The following LPP variants were observed in gnomAD, a reference collection of about 807,000 sequenced individuals.
LPP encodes the protein LIM domain containing preferred translocation partner in lipoma, also known as lipoma-preferred partner.
Under a neutral mutation model 60.4 loss-of-function variants are expected in LPP, and 38 were observed. The ratio of observed to expected loss-of-function variants is 0.63; its 90% CI spans 0.49 to 0.83. The LOEUF is 0.83. Among genes scored for constraint, LPP ranks in the 40% least tolerant of loss-of-function variants. The pLI is 0.00. For missense variants in LPP, 902 were observed against 783.6 expected, an observed-to-expected ratio of 1.15 and a Z score of -1.80; for synonymous variants, 328 against 290.8, an observed-to-expected ratio of 1.13 and a Z score of -1.30.
At chr3:188,223,278 T>C (rs919742176) in intron 1 of LPP, among the ~76,000 whole-genome samples, 1 of 152,228 alleles carries the variant, frequency 6.6e-6, no homozygotes, top group South Asian at 2.1e-4. Flanking sequence ...TATAATTTTT[T>C]AAAGGGAAGC....
Position 188,592,551 on chromosome 3 carries a change from G to GTTT in LPP, c.430-16607_430-16605dup, listed in dbSNP as rs1553936326. On this transcript the variant is annotated intron_variant, in intron 6 of 11. Transcript: ENST00000617246. Reference sequence around the variant, plus strand: ...AATGAGTATCACTGTTTTTAGTTTTGTTTTTGTTTTTTAAATGGAGTCTCA... The same window carrying GTTT: ...AATGAGTATCACTGTTTTTAGTTTTGTTTTTTTTGTTTTTTAAATGGAGTCTCA... Among the ~76,000 whole-genome samples, 183 of 98,152 alleles carry GTTT rather than the reference G, an allele frequency of 1.9e-3. 2 individuals carry two copies. The highest frequency in any genetic ancestry group is 0.014 in the South Asian group (32 of 2,224). The allele number at this position is 98,152 out of a possible 152,430, so 64.4% of individuals were successfully genotyped here. A position where few individuals can be genotyped will look rare whatever the true frequency, so the allele number is the denominator to read the frequency against.
At chr3:188,753,101 T>A (rs1039789641) in intron 8 of LPP, among the ~76,000 whole-genome samples, 33 of 152,128 alleles carry the variant, frequency 2.2e-4, no homozygotes, top group African/African-American at 8.0e-4. Flanking sequence ...AAAATGGGCT[T>A]TACAAGTCAG....
intron 2 of LPP, among the ~76,000 whole-genome samples, chr3:188,281,308 G>T (rs528037356): frequency 7.6e-4 from 115 of 152,150 alleles, no homozygotes; most frequent in Non-Finnish European, 1.3e-3. Context: ...GGTGGCAGAA[G>T]TTCCAAAGTC....
chr3:188,374,152 G>T (rs1048915296), intron 3 of LPP, among the ~76,000 whole-genome samples: 2 of 152,020 alleles, frequency 1.3e-5, no homozygotes, highest in African/African-American at 2.4e-5. Context: ...GATGCCTCTG[G>T]CTTTGTTCTT....
intron 2 of LPP, among the ~76,000 whole-genome samples, chr3:188,293,130 A>G (rs1217495961): frequency 6.6e-6 from 1 of 152,248 alleles, no homozygotes; most frequent in African/African-American, 2.4e-5. Flanking sequence ...CTCTTCTGCT[A>G]GATTTTGAAC....
intron 7 of LPP, among the ~76,000 whole-genome samples, chr3:188,649,846 T>C (rs1309540279): frequency 6.6e-6 from 1 of 152,182 alleles, no homozygotes; most frequent in Non-Finnish European, 1.5e-5. Flanking sequence ...CTAAATGTCA[T>C]AATGAACAAG....
At chr3:188,727,104 T>A (rs1171179290) in intron 8 of LPP, among the ~76,000 whole-genome samples, 1 of 152,162 alleles carries the variant, frequency 6.6e-6, no homozygotes, top group Non-Finnish European at 1.5e-5. Context: ...CTTATCACCA[T>A]CCCAGAAAAG....
intron 5 of LPP, among the ~76,000 whole-genome samples, chr3:188,495,082 A>ATATATATTTTTT (rs1342207321): frequency 2.4e-4 from 23 of 97,270 alleles, no homozygotes; most frequent in African/African-American, 8.4e-4. Context: ...ATATATATAT[A>ATATATATTTTTT]TTTTATTTAT....
intron 4 of LPP, among the ~76,000 whole-genome samples, chr3:188,413,021 G>T (rs1287034772): frequency 1.3e-5 from 2 of 152,060 alleles, no homozygotes; most frequent in Non-Finnish European, 2.9e-5. Context: ...TTTGGAGCTT[G>T]GTTCCTAGGA....
chr3:188,707,742 G>A (rs1865768636), intron 7 of LPP, among the ~76,000 whole-genome samples: 1 of 152,084 alleles, frequency 6.6e-6, no homozygotes, highest in Admixed American at 6.6e-5. Flanking sequence ...TTTCACCTGA[G>A]TGTGAGAAAC....
chr3:188,453,981 T>C (rs566295230), intron 4 of LPP, among the ~76,000 whole-genome samples: 1 of 152,336 alleles, frequency 6.6e-6, no homozygotes, highest in Non-Finnish European at 1.5e-5. Flanking sequence ...TGTAGTATGA[T>C]TGAAGGCAGG....
chr3:188,562,612 T>C (rs1258955435), intron 6 of LPP, among the ~76,000 whole-genome samples: 1 of 152,060 alleles, frequency 6.6e-6, no homozygotes, highest in Non-Finnish European at 1.5e-5. Context: ...GCCTGCCAGA[T>C]GGATCTTCTC....
In LPP at chr3:188,462,632, GTGTTACTT is replaced by G. The variant is rs1560436965; in HGVS notation, c.194-21958_194-21951del. Reference sequence around the variant, plus strand: ...TGTGTGTGTGTGTGTGTGTGTGTGTGTGTTACTTTTTTGGGTGTTTATTTTTAATTTTG... The same window carrying G: ...TGTGTGTGTGTGTGTGTGTGTGTGTGTTTTGGGTGTTTATTTTTAATTTTG... On this transcript the variant is annotated intron_variant, in intron 4 of 11. Transcript: ENST00000617246. 1.8e-3 allele frequency among the ~76,000 whole-genome samples: 112 copies of G among 62,536 alleles called. 1 individual carries two copies. Among genetic ancestry groups the G allele is most frequent in the Non-Finnish European group, 3.5e-3 (96 of 27,236 alleles). 41.0% of individuals were successfully genotyped at this position (62,536 alleles called of 152,430 possible). A position where few individuals can be genotyped will look rare whatever the true frequency, so the allele number is the denominator to read the frequency against.
intron 7 of LPP, among the ~76,000 whole-genome samples, chr3:188,629,922 C>T (rs1847551192): frequency 6.6e-6 from 1 of 151,906 alleles, no homozygotes; most frequent in Admixed American, 6.6e-5. Flanking sequence ...ACCTAGTAAT[C>T]ATGCTGCACA....
chr3:188,529,394 T>G (rs569504509), intron 6 of LPP, among the ~76,000 whole-genome samples: 41 of 152,192 alleles, frequency 2.7e-4, no homozygotes, highest in Non-Finnish European at 1.5e-4. Context: ...GTCTGTGATT[T>G]CTCATTAGTC....
chr3:188,211,724 C>T (rs1443217339), intron 1 of LPP, among the ~76,000 whole-genome samples: 1 of 152,126 alleles, frequency 6.6e-6, no homozygotes, highest in Middle Eastern at 3.2e-3. Context: ...GTCTTCCAGC[C>T]CGGTGTCTGT....
At chr3:188,679,008 A>G (rs928272452) in intron 7 of LPP, among the ~76,000 whole-genome samples, 7 of 152,214 alleles carry the variant, frequency 4.6e-5, no homozygotes, top group African/African-American at 1.7e-4. Context: ...GGCATTTAAT[A>G]GGCAACCCAT....
At chr3:188,433,569 A>G (rs890517965) in intron 4 of LPP, among the ~76,000 whole-genome samples, 10 of 141,736 alleles carry the variant, frequency 7.1e-5, no homozygotes, top group African/African-American at 2.1e-4. Flanking sequence ...CTCAGGGATG[A>G]GAGAGAGAGA....
Position 188,609,199 on chromosome 3 carries a change from C to A in LPP, c.468C>A (p.Thr156=). The A allele has an allele frequency of 6.2e-7, 1 of 1,613,616 alleles. No homozygotes were observed. Among genetic ancestry groups the A allele is most frequent in the Non-Finnish European group, 8.5e-7 (1 of 1,179,780 alleles). The change falls in exon 7 of 12, where the codon ACC becomes ACA. Residue 156 remains threonine, a synonymous_variant. Transcript: ENST00000617246. This position sits in a 1 kb window ranked among gnomAD's most constrained non-coding sequence, Gnocchi z 6.9. ...TGSTASPPVS[T]PVTGHKRMVI... is the part of the protein sequence containing the mutation. ...CAACAGCCTCTCCTCCAGTTTCGAC[C>A]CCAGTCACAGGACACAAGAGAATGG...
Sources: allele counts gnomAD v4.1 joint callset (sites outside exome capture counted in the v4.1 genomes callset), GRCh38; gene constraint gnomAD v4.1.1; non-coding constraint Gnocchi (gnomAD v3.1); transcripts MANE v1.5; gene names NCBI Gene and HGNC (gene_info 2026-07-23, HGNC 2026-07-21).